Variants in FAT2 observed in about 807,000 individuals in gnomAD.
FAT2 encodes FAT atypical cadherin 2.
FAT2 carries 150 observed loss-of-function variants against 295.3 expected under a neutral mutation model. The ratio of observed to expected loss-of-function variants is 0.51; its 90% CI spans 0.44 to 0.58. The LOEUF is 0.58. Among genes scored for constraint, FAT2 ranks in the 20% least tolerant of loss-of-function variants. FAT2 has a pLI of 0.00. For missense variants in FAT2, 4,868 were observed against 5,442.7 expected (o/e 0.89, Z 3.32); for synonymous variants, 2,026 against 2,150.3 (o/e 0.94, Z 1.60).
At chr5:151,522,248 A>G in intron 18 of FAT2, 162 bp from the exon 19 acceptor site, 1 of 575,888 alleles carries the variant, frequency 1.7e-6, no homozygotes, top group Non-Finnish European at 3.0e-6. Context: ...CCTAACTCCA[A>G]AAGCACTGAC....
At chr5:151,550,917 A>G in intron 7 of FAT2, 46 bp from the exon 8 acceptor site, 1 of 1,586,194 alleles carries the variant, frequency 6.3e-7, no homozygotes, top group Non-Finnish European at 8.6e-7. Context: ...GCCCCAGGGG[A>G]ACAGGGACTG....
intron 3 of FAT2, 26 bp downstream of exon 3, chr5:151,563,299 G>C (rs754402808): frequency 6.2e-7 from 1 of 1,607,504 alleles, no homozygotes; most frequent in Admixed American, 1.7e-5. Flanking sequence ...AGAGATCCCT[G>C]TTCACCCAGC....
chr5:151,568,302 G>A lies in FAT2; in HGVS notation c.630C>T (p.Asn210=), dbSNP rs149443684. The A allele has an allele frequency of 8.7e-6, 14 of 1,614,176 alleles. No homozygotes were observed. The highest frequency in any genetic ancestry group is 6.7e-5 in the East Asian group (3 of 44,892). Residue 210 remains asparagine, a synonymous_variant, in exon 2 of 24, where the codon AAC becomes AAT. Coordinates refer to ENST00000261800, the MANE Select transcript of FAT2 (RefSeq NM_001447.3). ...GCTCATGCTTTCCTCGCCAGGTGACGTTAAGCTTCCCAGCCACAGTGACCA... is the reference window on the plus strand; with the variant it reads ...GCTCATGCTTTCCTCGCCAGGTGACATTAAGCTTCCCAGCCACAGTGACCA... The part of the protein sequence containing the change: ...SGVVTVAGKL[N]VTWRGKHELQ...
At position 151,561,544 on chromosome 5, in the gene FAT2, T is replaced by C. The variant is rs369812210; in HGVS notation, c.3574+1781A>G. ...TAGCTGAGACTTCAGGTGCACACCA[T>C]CACACCAGGCTAATTTTTGTATGTT... On this transcript the variant is annotated intron_variant, in intron 3 of 23. Coordinates refer to ENST00000261800, the MANE Select transcript of FAT2 (RefSeq NM_001447.3). Among the ~76,000 whole-genome samples, 8 of 152,182 alleles carry C rather than the reference T, an allele frequency of 5.3e-5. No homozygotes were observed. In the East Asian group the frequency reaches 9.6e-4, roughly 18 times the overall value.
chr5:151,551,132 A>G (rs1425702759), intron 7 of FAT2, among the ~76,000 whole-genome samples: 3 of 152,228 alleles, frequency 2.0e-5, no homozygotes, highest in Non-Finnish European at 4.4e-5. Context: ...TCCAAATGTA[A>G]GAAACAGATA....
In FAT2 at chr5:151,531,082, T is replaced by A. The variant is rs1264277868; in HGVS notation, c.9811+505A>T. Among the ~76,000 whole-genome samples, 2 of 152,124 alleles carry A rather than the reference T, an allele frequency of 1.3e-5. No individual in the cohort carries two copies. The highest frequency in any genetic ancestry group is 2.4e-5 in the African/African-American group (1 of 41,420). ...CTGACTTTGAGTCTTCTGTGGCTAG[T>A]AGGAAAGAAGTGAGACGGTTTCCTA... On this transcript the variant is annotated intron_variant, in intron 14 of 23. Transcript: ENST00000261800. The surrounding 1 kb of genome is among the most constrained non-coding windows in gnomAD (Gnocchi z 5.7).
In FAT2 at chr5:151,522,087, C is replaced by T; in HGVS notation, c.10507-1G>A. On this transcript the variant is annotated splice_acceptor_variant, in intron 18 of 23. Coordinates refer to ENST00000261800, the MANE Select transcript of FAT2 (RefSeq NM_001447.3). LOFTEE classifies it high-confidence loss of function. Reference sequence around the variant, plus strand: ...GGGGAGGGATGCCACTGTCTGACGCCTGTGGGCAAAACAAACACTGCTGTC... The same window carrying T: ...GGGGAGGGATGCCACTGTCTGACGCTTGTGGGCAAAACAAACACTGCTGTC... The T allele has an allele frequency of 6.3e-7, 1 of 1,577,438 alleles. No individual in the cohort carries two copies. The highest frequency in any genetic ancestry group is 8.7e-7 in the Non-Finnish European group (1 of 1,155,364).
chr5:151,509,323 A>T (rs1485988788), intron 22 of FAT2: 1 of 152,244 alleles, frequency 6.6e-6, no homozygotes, highest in Admixed American at 6.5e-5. Flanking sequence ...AATCTCTAAT[A>T]AGCAGCTTCC....
In FAT2 at chr5:151,545,693, A is replaced by C. The variant is rs773029061; in HGVS notation, c.5434T>G (p.Phe1812Val). 3.7e-6 allele frequency: 6 copies of C among 1,614,082 alleles called. No individual in the cohort carries two copies. Among genetic ancestry groups the C allele is most frequent in the African/African-American group, 2.7e-5 (2 of 74,986 alleles). Reference sequence around the variant, plus strand: ...CCCATGCTGGGATCAATTTTGAAAAACTTCAAGGCCTCCGGCTCCAAAATT... The same window carrying C: ...CCCATGCTGGGATCAATTTTGAAAACCTTCAAGGCCTCCGGCTCCAAAATT... ...YKILEPEALKFFKIDPSMGTL... is the reference protein window; with the variant it reads ...YKILEPEALKVFKIDPSMGTL... The change falls in exon 10 of 24, where the codon TTT becomes GTT. Residue 1812 changes from phenylalanine to valine, a missense_variant. Coordinates refer to ENST00000261800, the MANE Select transcript of FAT2 (RefSeq NM_001447.3).
chr5:151,555,796 A>G (rs570644188), intron 4 of FAT2, among the ~76,000 whole-genome samples: 1 of 152,370 alleles, frequency 6.6e-6, no homozygotes, highest in South Asian at 2.1e-4. Context: ...AGAAGAGATC[A>G]TCAGTGAAGG....
At chr5:151,555,360 T>C (rs1311032224) in intron 4 of FAT2, among the ~76,000 whole-genome samples, 2 of 150,264 alleles carry the variant, frequency 1.3e-5, no homozygotes, top group African/African-American at 2.4e-5. Flanking sequence ...TTACTAATAA[T>C]ATATTTCTTT....
intron 13 of FAT2, among the ~76,000 whole-genome samples, chr5:151,533,671 C>G (rs1048955769): frequency 2.0e-5 from 3 of 151,232 alleles, no homozygotes; most frequent in Non-Finnish European, 4.4e-5. Context: ...TTTTTTTTAC[C>G]CTATCTGAAT....
rs749731416 is a variant in FAT2 at position 151,567,470 on chromosome 5, C to T, written c.1462G>A (p.Gly488Arg). Residue 488 changes from glycine (G) to arginine (R), a missense_variant, in exon 2 of 24, where the codon GGG (glycine) becomes AGG (arginine). Physicochemically the swap from Gly to Arg is moderately radical, Grantham distance 125. This residue lies in a region of FAT2 where 3,297 missense variants were observed against 3,669.4 expected (regional missense o/e 0.90). Coordinates refer to ENST00000261800, the MANE Select transcript of FAT2 (RefSeq NM_001447.3). ...GAATAGGTGACATATCCATTTTCCC[C>T]ATGATCCCGGTCAGTGGCAGTCACA... ...LAVTATDRDHGENGYVTYSIA... is the reference protein window; with the variant it reads ...LAVTATDRDHRENGYVTYSIA... The T allele has an allele frequency of 3.1e-6, 5 of 1,614,100 alleles. No individual in the cohort carries two copies. Among genetic ancestry groups the T allele is most frequent in the Non-Finnish European group, 4.2e-6 (5 of 1,179,990 alleles).
chr5:151,545,769 C>T lies in FAT2; in HGVS notation c.5358G>A (p.Val1786=), dbSNP rs1162828085. The change falls in exon 10 of 24, where the codon GTG becomes GTA. Residue 1786 remains valine, a synonymous_variant. Transcript: ENST00000261800. ...MIMDKNNNPF[V]IHASDSDKEA... The stretch of plus-strand genomic sequence containing the variant: ...CTTTGTCACTGTCAGAGGCATGAAT[C>T]ACAAAGGGGTTGTTGTTTTTATCCA... 6.2e-7 allele frequency: 1 copy of T among 1,613,958 alleles called. No homozygotes were observed. The highest frequency in any genetic ancestry group is 1.3e-5 in the African/African-American group (1 of 74,916).
chr5:151,525,997 G>A (rs2127584933), intron 17 of FAT2, 32 bp from the exon 18 acceptor site: 2 of 1,605,860 alleles, frequency 1.2e-6, no homozygotes, highest in Non-Finnish European at 8.5e-7. Context: ...AAGGCAAAGA[G>A]CAGAATGAGT....
At chr5:151,515,320 T>C (rs1169855948) in intron 20 of FAT2, among the ~76,000 whole-genome samples, 1 of 152,240 alleles carries the variant, frequency 6.6e-6, no homozygotes, top group African/African-American at 2.4e-5. Flanking sequence ...TTGGAGGGTC[T>C]CAAGGAGTAA....
intron 3 of FAT2, among the ~76,000 whole-genome samples, chr5:151,561,394 T>C (rs375210527): frequency 4.6e-4 from 70 of 150,886 alleles, no homozygotes; most frequent in African/African-American, 1.7e-3. Context: ...TTCTCTCTCT[T>C]TTTTTTTTCT....
intron 1 of FAT2, among the ~76,000 whole-genome samples, chr5:151,588,338 G>A (rs1269942934): frequency 6.6e-6 from 1 of 152,170 alleles, no homozygotes; most frequent in African/African-American, 2.4e-5. Context: ...ACTGGGCTAG[G>A]CAAGTGAAAC....
At chr5:151,588,061 C>T (rs1051472804) in intron 1 of FAT2, among the ~76,000 whole-genome samples, 6 of 152,140 alleles carry the variant, frequency 3.9e-5, no homozygotes, top group Non-Finnish European at 7.4e-5. Flanking sequence ...CCCAAGGGTT[C>T]TTCGAGTTGT....
Sources: allele counts gnomAD v4.1 joint callset (sites outside exome capture counted in the v4.1 genomes callset), GRCh38; gene constraint gnomAD v4.1.1; regional missense constraint gnomAD v4.1.1; non-coding constraint Gnocchi (gnomAD v3.1); transcripts MANE v1.5; gene names NCBI Gene and HGNC (gene_info 2026-07-23, HGNC 2026-07-21).